CHD1L: variants seen among roughly 807,000 people sequenced by gnomAD.
The protein encoded by CHD1L is chromodomain helicase DNA binding protein 1 like, also known as ATP-dependent chromatin remodeler CHD1L.
In CHD1L, 118 loss-of-function variants were observed where a neutral mutation model predicts 115.9. The observed-to-expected ratio is 1.02, with a 90% confidence interval of 0.88 to 1.19. The LOEUF (loss-of-function observed/expected upper bound fraction) is 1.19, where lower values mean the gene tolerates loss of function less well. Among genes scored for constraint, CHD1L ranks in the 50% most tolerant of loss-of-function variants. CHD1L has a pLI of 0.00. For missense variants in CHD1L, 1,179 were observed against 1,065.3 expected, an observed-to-expected ratio of 1.11 and a Z score of -1.49; for synonymous variants, 411 against 387.1, an observed-to-expected ratio of 1.06 and a Z score of -0.72.
chr1:147,294,566 A>T, intron 22 of CHD1L, 49 bp downstream of exon 22: 3 of 1,446,750 alleles, frequency 2.1e-6, no homozygotes, highest in Non-Finnish European at 2.9e-6. Context: ...CAAGAGGGAA[A>T]ATGTGTTCAT....
the CHD1L span, among the ~76,000 whole-genome samples, chr1:147,235,990 G>A: frequency 1.3e-5 from 2 of 152,192 alleles, no homozygotes; most frequent in Non-Finnish European, 2.9e-5. Flanking sequence ...TGGATCCCAT[G>A]CCAGCCAAGG....
At chr1:147,219,932 G>A in the CHD1L span, among the ~76,000 whole-genome samples, 7 of 147,778 alleles carry the variant, frequency 4.7e-5, no homozygotes, top group South Asian at 2.1e-4. Context: ...CCTGCCTCCC[G>A]GGTGCAAGCA....
chr1:147,272,146 T>G, intron 11 of CHD1L, 25 bp from the exon 12 acceptor site: 1 of 1,582,580 alleles, frequency 6.3e-7, no homozygotes. Flanking sequence ...GGTTAAGATT[T>G]CTGTTTTTCT....
the CHD1L span, among the ~76,000 whole-genome samples, chr1:147,207,815 C>T: frequency 7.9e-5 from 12 of 152,282 alleles, no homozygotes; most frequent in African/African-American, 2.6e-4. Flanking sequence ...CCTACCCATT[C>T]GCTCTGAAGT....
Position 147,286,465 on chromosome 1 carries a change from C to T in CHD1L, c.2186C>T (p.Ala729Val). The change falls in exon 18 of 23, where the codon GCT becomes GTT. Residue 729 changes from alanine (A) to valine (V), a missense_variant. Ala to Val is a moderately conservative substitution (Grantham distance 64). Transcript: ENST00000369258. Reference protein sequence around the residue: ...YVSGDVTHPQAGAEDALIVHC... With the variant: ...YVSGDVTHPQVGAEDALIVHC... ...AGTGGTGATGTCACCCACCCTCAGG[C>T]TGGGGCCGAGGATGCTCTCATTGTG... The T allele has an allele frequency of 6.2e-7, 1 of 1,613,966 alleles. No homozygotes were observed. Among genetic ancestry groups the T allele is most frequent in the Non-Finnish European group, 8.5e-7 (1 of 1,180,018 alleles).
Position 147,287,684 on chromosome 1 carries a change from G to A in CHD1L, c.2271G>A (p.Lys757=). The A allele has an allele frequency of 6.2e-7, 1 of 1,614,056 alleles. No homozygotes were observed. Among genetic ancestry groups the A allele is most frequent in the Non-Finnish European group, 8.5e-7 (1 of 1,180,010 alleles). The change falls in exon 19 of 23, where the codon AAG becomes AAA. Residue 757 remains lysine, a synonymous_variant. Transcript: ENST00000369258. The stretch of plus-strand genomic sequence containing the variant: ...GTGGTTTATTTACAGCTCTGGAAAA[G>A]CGATCCGCTGAGCCAAGAAAAATAT... The part of the protein sequence containing the change: ...GRGGLFTALE[K]RSAEPRKIYE...
the CHD1L span, among the ~76,000 whole-genome samples, chr1:147,207,599 A>G: frequency 2.0e-5 from 3 of 152,162 alleles, no homozygotes; most frequent in Admixed American, 2.0e-4. Flanking sequence ...GCCCTCGGGA[A>G]AATTACTTAG....
upstream of CHD1L, among the ~76,000 whole-genome samples, chr1:147,239,154 T>C (rs782063636): frequency 1.2e-3 from 185 of 152,194 alleles, 1 homozygote; most frequent in Admixed American, 3.1e-3. Flanking sequence ...TTTAACTTTC[T>C]GCCTACTTTA....
intron 6 of CHD1L, among the ~76,000 whole-genome samples, chr1:147,263,410 CAG>C (rs3028892): frequency 0.28 from 35,132 of 127,056 alleles, 4,593 homozygotes; most frequent in Admixed American, 0.32. Context: ...GCGTGGGTGA[CAG>C]AGCAAGACCC....
At chr1:147,286,578 G>A (rs1240257095) in intron 18 of CHD1L, 78 bp downstream of exon 18, 4 of 1,320,468 alleles carry the variant, frequency 3.0e-6, no homozygotes, top group Non-Finnish European at 4.3e-6. Flanking sequence ...GGGGCACTGG[G>A]ACTGGGGTGG....
chr1:147,178,092 GCCC>G, the CHD1L span: 1 of 1,484,464 alleles, frequency 6.7e-7, no homozygotes, highest in Non-Finnish European at 9.1e-7. Flanking sequence ...CCTTCCGGCT[GCCC>G]CCACCCCACC....
chr1:147,176,404 C>T, the CHD1L span: 1 of 152,132 alleles, frequency 6.6e-6, no homozygotes, highest in Non-Finnish European at 1.5e-5. Context: ...TGAGGGTAAG[C>T]AGAACAGATG....
At chr1:147,261,875 C>G (rs1349959580) in intron 6 of CHD1L, among the ~76,000 whole-genome samples, 2 of 151,956 alleles carry the variant, frequency 1.3e-5, no homozygotes, top group African/African-American at 4.8e-5. Flanking sequence ...TTTATTTCCC[C>G]CTAATATTGT....
At chr1:147,199,132 T>C in the CHD1L span, among the ~76,000 whole-genome samples, 1 of 151,530 alleles carries the variant, frequency 6.6e-6, no homozygotes, top group African/African-American at 2.4e-5. Context: ...GAATATTTTC[T>C]TGACAAGAGA....
At chr1:147,233,722 G>A in the CHD1L span, among the ~76,000 whole-genome samples, 1 of 151,868 alleles carries the variant, frequency 6.6e-6, no homozygotes, top group Non-Finnish European at 1.5e-5. Context: ...AAGTAGACAT[G>A]GGAGACTTTT....
the CHD1L span, among the ~76,000 whole-genome samples, chr1:147,233,504 C>T: frequency 6.6e-6 from 1 of 150,502 alleles, no homozygotes; most frequent in African/African-American, 2.4e-5. Flanking sequence ...GCCAGCCGCC[C>T]CATCCGGGAG....
At chr1:147,281,873 C>G (rs1390655521) in intron 15 of CHD1L, among the ~76,000 whole-genome samples, 2 of 151,992 alleles carry the variant, frequency 1.3e-5, no homozygotes, top group Non-Finnish European at 2.9e-5. Flanking sequence ...TTTCTTGAAG[C>G]ACATGTACAT....
rs782649015 is a variant in CHD1L at position 147,290,851 on chromosome 1, G to A, written c.2321-631G>A. ...ATTTTTTGTAGAGACTGGGTCTTGC[G>A]CCTTGTTGCCCAGGTTAGTCTGGAA... On this transcript the variant is annotated intron_variant, in intron 19 of 22. Coordinates refer to ENST00000369258, the MANE Select transcript of CHD1L (RefSeq NM_004284.6). Among the ~76,000 whole-genome samples the A allele has an allele frequency of 7.2e-5, 11 of 152,060 alleles. 1 individual carries two copies. In the South Asian group the frequency reaches 1.0e-3, roughly 14 times the overall value.
chr1:147,269,304 C>T (rs74636473), intron 10 of CHD1L, among the ~76,000 whole-genome samples: 1,526 of 152,130 alleles, frequency 0.01, 10 homozygotes, highest in Non-Finnish European at 0.015. Context: ...TTTTTGTTAA[C>T]CTGTGGGGTT....
Sources: allele counts gnomAD v4.1 joint callset (sites outside exome capture counted in the v4.1 genomes callset), GRCh38; gene constraint gnomAD v4.1.1; transcripts MANE v1.5; gene names NCBI Gene and HGNC (gene_info 2026-07-23, HGNC 2026-07-21).